Variants in ZDHHC11B observed in about 807,000 individuals in gnomAD.
ZDHHC11B encodes the protein zDHHC palmitoyltransferase 11B (putative), also known as probable palmitoyltransferase ZDHHC11B.
Under a neutral mutation model 42.3 loss-of-function variants are expected in ZDHHC11B, and 17 were observed. That is an observed-to-expected ratio of 0.40 (90% CI 0.27 to 0.60). The LOEUF (loss-of-function observed/expected upper bound fraction) is 0.60. Among genes scored for constraint, ZDHHC11B ranks in the 20% least tolerant of loss-of-function variants. The pLI is 0.41. For synonymous variants in ZDHHC11B, 123 were observed against 193.5 expected, an observed-to-expected ratio of 0.64 and a Z score of 3.02; for missense variants, 262 against 463.2, an observed-to-expected ratio of 0.57 and a Z score of 3.99.
At chr5:726,196 C>T (rs1460093871) in intron 12 of ZDHHC11B, among the ~76,000 whole-genome samples, 22 of 151,632 alleles carry the variant, frequency 1.5e-4, no homozygotes, top group Non-Finnish European at 2.8e-4. Flanking sequence ...TCACACCTCA[C>T]AGGCTCTTAG....
At chr5:739,855 T>G (rs1171064995) in intron 10 of ZDHHC11B, among the ~76,000 whole-genome samples, 8 of 144,076 alleles carry the variant, frequency 5.6e-5, no homozygotes, top group Non-Finnish European at 1.1e-4. Flanking sequence ...TGCAAAAATA[T>G]GAAACCAGCC....
At chr5:757,851 C>G (rs1734072576) in intron 4 of ZDHHC11B, among the ~76,000 whole-genome samples, 1 of 151,846 alleles carries the variant, frequency 6.6e-6, no homozygotes, top group African/African-American at 2.4e-5. Flanking sequence ...GGCAGTGCAG[C>G]AACGGGGCCA....
chr5:750,400 T>C (rs1156244584), intron 7 of ZDHHC11B, among the ~76,000 whole-genome samples: 6 of 143,474 alleles, frequency 4.2e-5, no homozygotes, highest in Non-Finnish European at 9.2e-5. Flanking sequence ...GCTGTGTGAC[T>C]CCACCCCTGC....
At position 767,825 on chromosome 5, in the gene ZDHHC11B, C is replaced by T. The variant is rs1310892172; in HGVS notation, c.-133-301G>A. On this transcript the variant is annotated intron_variant, in intron 2 of 13. Transcript: ENST00000508859. ...GTGTGGAAACGTGGGCAGAGCGCAC[C>T]GTCTGTCACTGTGGAGGATCCCAAC... Among the ~76,000 whole-genome samples, 6 of 36,054 alleles carry T rather than the reference C, an allele frequency of 1.7e-4. No individual in the cohort carries two copies. In the Admixed American group the frequency reaches 1.9e-3, roughly 12 times the overall value. The allele number at this position is 36,054 out of a possible 152,430, so 23.7% of individuals were successfully genotyped here.
intron 8 of ZDHHC11B, among the ~76,000 whole-genome samples, chr5:745,592 G>C (rs1174999397): frequency 2.0e-5 from 3 of 150,040 alleles, no homozygotes; most frequent in African/African-American, 7.4e-5. Context: ...TGTTAGTGGT[G>C]TCAGAGATGA....
At chr5:713,945 C>T (rs1354094027) in intron 13 of ZDHHC11B, among the ~76,000 whole-genome samples, 1 of 132,842 alleles carries the variant, frequency 7.5e-6, no homozygotes, top group African/African-American at 2.7e-5. Context: ...TGAAGTTGAC[C>T]AGGTTTCACA....
At chr5:717,383 G>A (rs1390943634) in intron 12 of ZDHHC11B, among the ~76,000 whole-genome samples, 2 of 151,686 alleles carry the variant, frequency 1.3e-5, no homozygotes, top group African/African-American at 4.9e-5. Flanking sequence ...CTGGGCAGCT[G>A]GCAGGAGAGG....
At chr5:773,185 C>A (rs1310237516) in intron 1 of ZDHHC11B, among the ~76,000 whole-genome samples, 1 of 151,870 alleles carries the variant, frequency 6.6e-6, no homozygotes, top group African/African-American at 2.4e-5. Context: ...CCTGGGCGGG[C>A]GCCTCTACCT....
At chr5:765,940 T>G (rs1735261998) in intron 4 of ZDHHC11B, among the ~76,000 whole-genome samples, 1 of 151,958 alleles carries the variant, frequency 6.6e-6, no homozygotes, top group Non-Finnish European at 1.5e-5. Flanking sequence ...AAGGCTCTAG[T>G]GAGAAATAAC....
chr5:776,959 C>G (rs1332875516), intron 1 of ZDHHC11B, among the ~76,000 whole-genome samples: 1 of 151,930 alleles, frequency 6.6e-6, no homozygotes, highest in Non-Finnish European at 1.5e-5. Flanking sequence ...GTCAGGCAGG[C>G]AGAGCTCCCA....
At chr5:761,088 C>T (rs1237612273) in intron 4 of ZDHHC11B, among the ~76,000 whole-genome samples, 4 of 151,828 alleles carry the variant, frequency 2.6e-5, no homozygotes, top group Admixed American at 6.6e-5. Context: ...GAACCTCGGC[C>T]GGATTCTGGA....
chr5:717,167 G>C (rs1461576926), intron 12 of ZDHHC11B, among the ~76,000 whole-genome samples: 1 of 151,270 alleles, frequency 6.6e-6, no homozygotes, highest in Non-Finnish European at 1.5e-5. Context: ...TGGATTTCCA[G>C]CATGAAAAGT....
chr5:750,603 G>T (rs1414060353), intron 7 of ZDHHC11B, among the ~76,000 whole-genome samples: 3 of 129,548 alleles, frequency 2.3e-5, no homozygotes, highest in African/African-American at 7.7e-5. Context: ...CGCCTCTGGA[G>T]CCCACAGTCC....
intron 1 of ZDHHC11B, among the ~76,000 whole-genome samples, chr5:775,381 G>A (rs562794996): frequency 8.5e-5 from 13 of 152,048 alleles, no homozygotes; most frequent in South Asian, 6.2e-4. Flanking sequence ...CCTCGCACCC[G>A]ATGGCCTCAT....
At position 780,612 on chromosome 5, in the gene ZDHHC11B, GAA is replaced by G. The variant is rs935629201; in HGVS notation, c.-230+4054_-230+4055del. Reference sequence around the variant, plus strand: ...AGACCCCATCCCACTCCCGGAACATGAAGAGAGGCGGCCCAGAACGGCTGGCA... The same window carrying G: ...AGACCCCATCCCACTCCCGGAACATGGAGAGGCGGCCCAGAACGGCTGGCA... On this transcript the variant is annotated intron_variant, in intron 1 of 13. Transcript: ENST00000508859. 5.1e-5 allele frequency among the ~76,000 whole-genome samples: 7 copies of G among 136,408 alleles called. 2 individuals carry two copies. Among genetic ancestry groups the G allele is most frequent in the Admixed American group, 1.4e-4 (2 of 13,892 alleles). 89.5% of individuals were successfully genotyped at this position (136,408 alleles called of 152,430 possible).
At chr5:765,705 C>T (rs1359907318) in intron 4 of ZDHHC11B, among the ~76,000 whole-genome samples, 2 of 151,932 alleles carry the variant, frequency 1.3e-5, no homozygotes, top group East Asian at 1.9e-4. Flanking sequence ...TGAGCTCTAA[C>T]ACTCGCAGTG....
chr5:744,163 C>A (rs552566671), intron 9 of ZDHHC11B, among the ~76,000 whole-genome samples: 1 of 149,840 alleles, frequency 6.7e-6, no homozygotes, highest in Non-Finnish European at 1.5e-5. Flanking sequence ...CACTGCTCAC[C>A]CCTGGAGTGA....
chr5:723,873 C>CGCAGCCTCCCCCTCGCTGT (rs1256841035), intron 12 of ZDHHC11B, among the ~76,000 whole-genome samples: 1 of 137,976 alleles, frequency 7.2e-6, no homozygotes, highest in Non-Finnish European at 1.6e-5. Flanking sequence ...GGTCAAGTTG[C>CGCAGCCTCCCCCTCGCTGT]GCAGCCTCCC....
chr5:733,584 C>T (rs1167384988), intron 11 of ZDHHC11B, among the ~76,000 whole-genome samples, 168 bp downstream of exon 11: 2 of 151,502 alleles, frequency 1.3e-5, no homozygotes, highest in Non-Finnish European at 2.9e-5. Context: ...CCTCTCACTC[C>T]ATCTCTCTTC....
Sources: allele counts gnomAD v4.1 joint callset (sites outside exome capture counted in the v4.1 genomes callset), GRCh38; gene constraint gnomAD v4.1.1; transcripts MANE v1.5; gene names NCBI Gene and HGNC (gene_info 2026-07-23, HGNC 2026-07-21).